Variants in RABGAP1L observed in about 807,000 individuals in gnomAD.
RABGAP1L encodes rab GTPase-activating protein 1-like.
Under a neutral mutation model 137.7 loss-of-function variants are expected in RABGAP1L, and 63 were observed. The ratio of observed to expected loss-of-function variants is 0.46; its 90% CI spans 0.37 to 0.56. The LOEUF (loss-of-function observed/expected upper bound fraction) is 0.56, where lower values mean the gene tolerates loss of function less well. Ranked by LOEUF, RABGAP1L falls within the 20% of genes least tolerant of loss-of-function variation. The probability of loss-of-function intolerance (pLI) is 0.00; values close to 1 mark genes in which losing one functional copy is unlikely to be tolerated. For missense variants in RABGAP1L, 1,095 were observed against 1,244.0 expected (o/e 0.88, Z 1.80); for synonymous variants, 431 against 433.7 (o/e 0.99, Z 0.08).
At chr1:174,260,677 A>G (rs1390681154) in intron 7 of RABGAP1L, among the ~76,000 whole-genome samples, 1 of 152,322 alleles carries the variant, frequency 6.6e-6, no homozygotes, top group East Asian at 1.9e-4. Context: ...ACATACAGAA[A>G]TATTGCAAAA....
chr1:174,537,700 C>T (rs1664998801), intron 13 of RABGAP1L, among the ~76,000 whole-genome samples: 1 of 152,094 alleles, frequency 6.6e-6, no homozygotes, highest in Non-Finnish European at 1.5e-5. Flanking sequence ...GATCTGCCAT[C>T]GTGTGAATTT....
chr1:174,527,205 T>TTTA (rs1663956832), intron 13 of RABGAP1L, among the ~76,000 whole-genome samples: 1 of 48,912 alleles, frequency 2.0e-5, no homozygotes, highest in Non-Finnish European at 3.3e-5. Flanking sequence ...TTTTATTTTG[T>TTTA]TTTTTTTTTT....
chr1:174,175,831 G>C (rs993637655), intron 1 of RABGAP1L, among the ~76,000 whole-genome samples: 2 of 151,934 alleles, frequency 1.3e-5, no homozygotes. Context: ...CACCATGTTG[G>C]CCAGGCTGGT....
At chr1:174,377,698 A>C (rs558581094) in intron 12 of RABGAP1L, among the ~76,000 whole-genome samples, 1 of 152,128 alleles carries the variant, frequency 6.6e-6, no homozygotes, top group Non-Finnish European at 1.5e-5. Flanking sequence ...ACAAAGACAG[A>C]TAATAACAAG....
At chr1:174,332,477 A>G (rs1408985134) in intron 11 of RABGAP1L, among the ~76,000 whole-genome samples, 3 of 152,024 alleles carry the variant, frequency 2.0e-5, no homozygotes, top group African/African-American at 7.2e-5. Flanking sequence ...GCTGACTGCA[A>G]CCTCTACGTC....
chr1:174,800,149 G>C, intron 18 of RABGAP1L: 1 of 1,387,994 alleles, frequency 7.2e-7, no homozygotes, highest in Non-Finnish European at 9.3e-7. Context: ...CTACTTTGGG[G>C]TTCTCGCAGT....
At chr1:174,416,159 T>G (rs1385644810) in intron 13 of RABGAP1L, among the ~76,000 whole-genome samples, 2 of 151,840 alleles carry the variant, frequency 1.3e-5, no homozygotes, top group Non-Finnish European at 2.9e-5. Flanking sequence ...AGATTGAGCT[T>G]AATACTAGGA....
chr1:174,616,752 T>A (rs1238508347), intron 13 of RABGAP1L, among the ~76,000 whole-genome samples: 13 of 152,228 alleles, frequency 8.5e-5, no homozygotes. Flanking sequence ...AGTTTTATAC[T>A]TCAGTTTTAA....
intron 13 of RABGAP1L, among the ~76,000 whole-genome samples, chr1:174,492,593 G>A (rs907570538): frequency 2.0e-5 from 3 of 151,938 alleles, no homozygotes; most frequent in East Asian, 1.9e-4. Flanking sequence ...CAGGCGATCC[G>A]CCTGCCTCAG....
Position 174,637,499 on chromosome 1 carries a change from C to T in RABGAP1L, c.1824+11C>T. 1 of 1,532,762 alleles carries T rather than the reference C, an allele frequency of 6.5e-7. No homozygotes were observed. Among genetic ancestry groups the T allele is most frequent in the Non-Finnish European group, 9.0e-7 (1 of 1,110,784 alleles). 94.9% of individuals were successfully genotyped at this position (1,532,762 alleles called of 1,614,324 possible). On this transcript the variant is annotated intron_variant, in intron 14 of 25. Transcript: ENST00000681986. Reference sequence around the variant, plus strand: ...TATAAGATCTGCAAGGTAGGACTCTCTTCCTCACTTTTTCTAAATTATTTT... The same window carrying T: ...TATAAGATCTGCAAGGTAGGACTCTTTTCCTCACTTTTTCTAAATTATTTT...
At chr1:174,576,829 G>T (rs1004535610) in intron 13 of RABGAP1L, among the ~76,000 whole-genome samples, 5 of 152,016 alleles carry the variant, frequency 3.3e-5, no homozygotes, top group African/African-American at 1.2e-4. Context: ...ATCTGTAAAG[G>T]TTATGCAGAA....
intron 13 of RABGAP1L, among the ~76,000 whole-genome samples, chr1:174,501,323 G>A (rs937467010): frequency 6.6e-6 from 1 of 150,684 alleles, no homozygotes; most frequent in Admixed American, 6.6e-5. Context: ...AAGCGATTCT[G>A]CTGCCTCAGT....
intron 24 of RABGAP1L, among the ~76,000 whole-genome samples, chr1:174,988,421 A>G (rs1396551919): frequency 6.6e-6 from 1 of 152,192 alleles, no homozygotes; most frequent in African/African-American, 2.4e-5. Context: ...TTCTATTTCT[A>G]GGGTATTTCT....
chr1:174,215,805 C>T (rs536338390), intron 1 of RABGAP1L, among the ~76,000 whole-genome samples: 1 of 152,148 alleles, frequency 6.6e-6, no homozygotes, highest in Non-Finnish European at 1.5e-5. Flanking sequence ...ACATGATTCA[C>T]CAATCCCACT....
intron 7 of RABGAP1L, among the ~76,000 whole-genome samples, chr1:174,261,562 A>G (rs1224846952): frequency 1.3e-5 from 2 of 152,170 alleles, no homozygotes; most frequent in Non-Finnish European, 2.9e-5. Context: ...GAGTACTGAA[A>G]AAATCACCCA....
intron 18 of RABGAP1L, among the ~76,000 whole-genome samples, chr1:174,776,119 CAG>C (rs1686508079): frequency 6.6e-6 from 1 of 152,110 alleles, no homozygotes; most frequent in South Asian, 2.1e-4. Context: ...CCTGTAATCC[CAG>C]CACTTTGGGA....
At chr1:174,176,733 A>AT (rs1247002531) in intron 1 of RABGAP1L, among the ~76,000 whole-genome samples, 20 of 142,464 alleles carry the variant, frequency 1.4e-4, no homozygotes, top group Middle Eastern at 3.5e-3. Flanking sequence ...AAAAAAAAAA[A>AT]AAAAAAAAAA....
intron 13 of RABGAP1L, among the ~76,000 whole-genome samples, chr1:174,587,349 C>G (rs1220260549): frequency 6.6e-6 from 1 of 150,608 alleles, no homozygotes; most frequent in African/African-American, 2.4e-5. Flanking sequence ...TGTTAGATGA[C>G]GAGTTAGTGG....
chr1:174,976,216 A>C lies in RABGAP1L; in HGVS notation c.2649+34A>C, dbSNP rs562557272. 1.2e-5 allele frequency: 17 copies of C among 1,474,304 alleles called. No individual in the cohort carries two copies. The Admixed American group carries it at 3.3e-4, about 29-fold the overall frequency. The allele number at this position is 1,474,304 out of a possible 1,614,324, so 91.3% of individuals were successfully genotyped here. ...AATAATATGTAGGCTTTTCTTTACA[A>C]AGGTATGTTGGTAGGGAATTAACAC... is the stretch of plus-strand genomic sequence containing the variant. On this transcript the variant is annotated intron_variant, in intron 22 of 25. Coordinates refer to ENST00000681986, the MANE Select transcript of RABGAP1L (RefSeq NM_001366446.1).
Sources: allele counts gnomAD v4.1 joint callset (sites outside exome capture counted in the v4.1 genomes callset), GRCh38; gene constraint gnomAD v4.1.1; transcripts MANE v1.5; gene names NCBI Gene and HGNC (gene_info 2026-07-23, HGNC 2026-07-21).